The following PCDHGB2 variants were observed in gnomAD, a reference collection of about 807,000 sequenced individuals.
PCDHGB2 encodes the protein protocadherin gamma-B2.
Under a neutral mutation model 59.3 loss-of-function variants are expected in PCDHGB2, and 55 were observed. The observed-to-expected ratio is 0.93, with a 90% CI of 0.75 to 1.16. The LOEUF (loss-of-function observed/expected upper bound fraction) is 1.16. PCDHGB2 is among the 50% of genes most tolerant of loss of function. The pLI is 0.00. For missense variants in PCDHGB2, 1,228 were observed against 1,198.5 expected, an observed-to-expected ratio of 1.02 and a Z score of -0.36; for synonymous variants, 516 against 512.0, an observed-to-expected ratio of 1.01 and a Z score of -0.11.
chr5:141,382,260 G>T (rs1033176333), intron 1 of PCDHGB2, among the ~76,000 whole-genome samples: 8 of 152,108 alleles, frequency 5.3e-5, no homozygotes, highest in African/African-American at 1.4e-4. Context: ...GCATCATGGT[G>T]TCTAGAACAT....
chr5:141,426,643 T>C (rs1280631056), intron 1 of PCDHGB2: 1 of 411,758 alleles, frequency 2.4e-6, no homozygotes, highest in Non-Finnish European at 5.0e-6. Flanking sequence ...CACATAAATG[T>C]GATGATAGAA....
intron 1 of PCDHGB2, chr5:141,390,312 C>A: frequency 1.2e-6 from 2 of 1,612,028 alleles, no homozygotes; most frequent in South Asian, 2.2e-5. Flanking sequence ...ATTTAATGCT[C>A]ATTGCCTACC....
chr5:141,446,757 G>A (rs769049265), intron 1 of PCDHGB2, among the ~76,000 whole-genome samples: 10 of 152,158 alleles, frequency 6.6e-5, no homozygotes, highest in African/African-American at 1.4e-4. Context: ...GTGAGCCACC[G>A]CGCCCAGCCG....
At chr5:141,488,207 TC>T (rs2099672969) in intron 1 of PCDHGB2, among the ~76,000 whole-genome samples, 1 of 152,216 alleles carries the variant, frequency 6.6e-6, no homozygotes, top group Non-Finnish European at 1.5e-5. Context: ...AGGACTCATA[TC>T]AAGTCCCTAC....
rs1330463387 is a variant in PCDHGB2, at chr5:141,393,177, G to C, written c.2421+30621G>C. ...AGGAAAACTCTTTGGGGTAGAAATA[G>C]AAATAATTGATATTAACGATAATAA... On this transcript the variant is annotated intron_variant, in intron 1 of 3. Transcript: ENST00000522605. The C allele has an allele frequency of 1.2e-6, 2 of 1,613,174 alleles. No individual in the cohort carries two copies. Among genetic ancestry groups the C allele is most frequent in the Non-Finnish European group, 1.7e-6 (2 of 1,179,896 alleles).
At chr5:141,502,404 C>A (rs1270930372) in intron 2 of PCDHGB2, among the ~76,000 whole-genome samples, 1 of 151,880 alleles carries the variant, frequency 6.6e-6, no homozygotes, top group Non-Finnish European at 1.5e-5. Flanking sequence ...TGTCCCCGAA[C>A]CTGGATTTGC....
rs2097504446 is a variant in PCDHGB2, at chr5:141,432,472, T to C, written c.2422-62335T>C. The C allele has an allele frequency of 9.9e-6, 16 of 1,614,012 alleles. No homozygotes were observed. Among genetic ancestry groups the C allele is most frequent in the Non-Finnish European group, 1.4e-5 (16 of 1,180,036 alleles). ...TGTACCCCGCCCTCCCCACGGACGG[T>C]TCCACTGGCGTGGAGCTGGCTCCCC... On this transcript the variant is annotated intron_variant, in intron 1 of 3. Transcript: ENST00000522605. This position sits in a 1 kb window ranked among gnomAD's most constrained non-coding sequence, Gnocchi z 6.0.
In PCDHGB2 at chr5:141,477,844, G is replaced by A. The variant is rs748180474; in HGVS notation, c.2422-16963G>A. On this transcript the variant is annotated intron_variant, in intron 1 of 3. Coordinates refer to ENST00000522605, the MANE Select transcript of PCDHGB2 (RefSeq NM_018923.3). This position sits in a 1 kb window ranked among gnomAD's most constrained non-coding sequence, Gnocchi z 4.9. ...TATATCCTCGGCCAGGTGGGAGCTC[G>A]GTGGAGATGCTGCCTCGAGGTACCT... The A allele has an allele frequency of 6.2e-7, 1 of 1,613,394 alleles. No individual in the cohort carries two copies.
chr5:141,414,776 T>G (rs766689016), intron 1 of PCDHGB2: 14 of 1,614,212 alleles, frequency 8.7e-6, no homozygotes, highest in Non-Finnish European at 1.1e-5. Context: ...GAGCTACAGA[T>G]GCAGGTGACA....
chr5:141,431,401 C>T lies in PCDHGB2; in HGVS notation c.2422-63406C>T. ...CTGCTCACCACCTGGTCCTTACGGC[C>T]TCCGACGGGGGCGACCCGGTGCGCA... On this transcript the variant is annotated intron_variant, in intron 1 of 3. Transcript: ENST00000522605. The surrounding 1 kb of genome is among the most constrained non-coding windows in gnomAD (Gnocchi z 4.8). 2 of 1,613,800 alleles carry T rather than the reference C, an allele frequency of 1.2e-6. No homozygotes were observed. Among genetic ancestry groups the T allele is most frequent in the Admixed American group, 1.7e-5 (1 of 60,036 alleles).
chr5:141,450,565 C>A (rs1024229182), intron 1 of PCDHGB2, among the ~76,000 whole-genome samples: 4 of 152,016 alleles, frequency 2.6e-5, no homozygotes, highest in African/African-American at 9.7e-5. Flanking sequence ...CGGCTCACTG[C>A]AACTTCTGCC....
chr5:141,371,658 A>G (rs764550191), intron 1 of PCDHGB2: 3 of 1,614,038 alleles, frequency 1.9e-6, no homozygotes, highest in Non-Finnish European at 1.7e-6. Flanking sequence ...CAATGTGACG[A>G]TCACAGCTAC....
chr5:141,384,210 C>T (rs1298573358), intron 1 of PCDHGB2: 2 of 1,613,886 alleles, frequency 1.2e-6, no homozygotes, highest in South Asian at 1.1e-5. Flanking sequence ...GGGAAACTCA[C>T]ATATTCATGC....
At chr5:141,405,206 A>G in intron 1 of PCDHGB2, 1 of 1,613,648 alleles carries the variant, frequency 6.2e-7, no homozygotes, top group Non-Finnish European at 8.5e-7. Flanking sequence ...TTTCCTACAG[A>G]CCTATTCTCA....
chr5:141,491,208 C>G lies in PCDHGB2; in HGVS notation c.2422-3599C>G. 6.2e-7 allele frequency: 1 copy of G among 1,614,204 alleles called. No individual in the cohort carries two copies. Among genetic ancestry groups the G allele is most frequent in the Non-Finnish European group, 8.5e-7 (1 of 1,180,026 alleles). ...TGAGGGACAATGGTGACCCTTCACTCTCCTCCACAGCCACAGTGCTGCTGG... is the reference window on the plus strand; with the variant it reads ...TGAGGGACAATGGTGACCCTTCACTGTCCTCCACAGCCACAGTGCTGCTGG... On this transcript the variant is annotated intron_variant, in intron 1 of 3. Coordinates refer to ENST00000522605, the MANE Select transcript of PCDHGB2 (RefSeq NM_018923.3). This position sits in a 1 kb window ranked among gnomAD's most constrained non-coding sequence, Gnocchi z 6.9.
At position 141,418,010 on chromosome 5, in the gene PCDHGB2, G is replaced by T. The variant is rs185303697; in HGVS notation, c.2421+55454G>T. Reference sequence around the variant, plus strand: ...CAAGGGCTCGGTGGTGGGGAACCTCGCTAAGGATCTAGGGCTTAGTGTCCT... The same window carrying T: ...CAAGGGCTCGGTGGTGGGGAACCTCTCTAAGGATCTAGGGCTTAGTGTCCT... On this transcript the variant is annotated intron_variant, in intron 1 of 3. Coordinates refer to ENST00000522605, the MANE Select transcript of PCDHGB2 (RefSeq NM_018923.3). 2.9e-5 allele frequency: 46 copies of T among 1,613,912 alleles called. No individual in the cohort carries two copies. The Middle Eastern group carries it at 5.0e-4, about 17-fold the overall frequency.
chr5:141,418,928 A>T (rs762769886), intron 1 of PCDHGB2: 1 of 1,613,978 alleles, frequency 6.2e-7, no homozygotes, highest in East Asian at 2.2e-5. Context: ...TGATCAGATT[A>T]TGGAGGATTC....
At chr5:141,505,505 G>A (rs2099846270) in intron 3 of PCDHGB2, 24 bp downstream of exon 3, 1 of 1,614,132 alleles carries the variant, frequency 6.2e-7, no homozygotes, top group Non-Finnish European at 8.5e-7. Flanking sequence ...GTGTGTGTAT[G>A]GAAGAGTGGG....
At chr5:141,422,690 T>G (rs1384522137) in intron 1 of PCDHGB2, 1 of 1,603,908 alleles carries the variant, frequency 6.2e-7, no homozygotes, top group Admixed American at 1.7e-5. Context: ...AATGCCCTGG[T>G]CACTTACTCT....
Sources: gnomAD v4.1 joint callset for allele counts (sites outside exome capture counted in the v4.1 genomes callset) on GRCh38, gnomAD v4.1.1 for gene constraint, Gnocchi (gnomAD v3.1) non-coding constraint, MANE v1.5 for transcripts, NCBI Gene and HGNC (gene_info 2026-07-23, HGNC 2026-07-21) for gene names.